EPN2: variants seen among roughly 807,000 people sequenced by gnomAD.
EPN2 encodes epsin 2, also known as epsin-2.
In EPN2, 34 loss-of-function variants were observed where a neutral mutation model predicts 61.7. The ratio of observed to expected loss-of-function variants is 0.55; its 90% confidence interval spans 0.42 to 0.73. The LOEUF (loss-of-function observed/expected upper bound fraction) is 0.73. Ranked by LOEUF, EPN2 falls within the 30% of genes least tolerant of loss-of-function variation. The pLI, the probability that EPN2 is intolerant of heterozygous loss-of-function variation, is 0.00. For synonymous variants in EPN2, 349 were observed against 353.6 expected, an observed-to-expected ratio of 0.99 and a Z score of 0.15; for missense variants, 714 against 839.2, an observed-to-expected ratio of 0.85 and a Z score of 1.84.
chr17:19,254,182 G>A (rs999693034), intron 1 of EPN2, among the ~76,000 whole-genome samples: 2 of 150,750 alleles, frequency 1.3e-5, no homozygotes, highest in African/African-American at 4.9e-5. Flanking sequence ...AAGAAAGAAG[G>A]GAGGGAGGGA....
chr17:19,307,967 T>G (rs1894220498), intron 4 of EPN2: 3 of 985,312 alleles, frequency 3.0e-6, no homozygotes, highest in African/African-American at 1.7e-5. Flanking sequence ...GAAGCAAATT[T>G]AGATTGGAAA....
intron 1 of EPN2, among the ~76,000 whole-genome samples, chr17:19,246,767 CTTTT>C (rs377094702): frequency 2.7e-5 from 3 of 109,546 alleles, no homozygotes; most frequent in Non-Finnish European, 1.7e-5. Flanking sequence ...CCCTGTGTGC[CTTTT>C]TTTTTTTTTT....
intron 1 of EPN2, among the ~76,000 whole-genome samples, chr17:19,280,191 AAG>A (rs1301272537): frequency 6.6e-6 from 1 of 152,168 alleles, no homozygotes; most frequent in Non-Finnish European, 1.5e-5. Context: ...TGAGAAGCTG[AAG>A]AGTCATACCT....
chr17:19,289,847 T>C (rs9902249), intron 4 of EPN2, among the ~76,000 whole-genome samples: 146,410 of 151,262 alleles, frequency 0.97, 71,101 homozygotes, highest in African/African-American at 0.99. Flanking sequence ...TCCTCAGCCA[T>C]CTGAGTAGCT....
At chr17:19,313,790 C>T (rs1164730553) in intron 7 of EPN2, 2 of 153,262 alleles carry the variant, frequency 1.3e-5, no homozygotes, top group Non-Finnish European at 1.5e-5. Flanking sequence ...TAAAGTTTTG[C>T]TTAATGTGAG....
chr17:19,243,416 A>C (rs2044908210), intron 1 of EPN2, among the ~76,000 whole-genome samples: 1 of 87,968 alleles, frequency 1.1e-5, no homozygotes, highest in Non-Finnish European at 1.9e-5. Flanking sequence ...TTTTTTTGAG[A>C]CGGAGTCTCG....
At position 19,313,128 on chromosome 17, in the gene EPN2, T is replaced by C; in HGVS notation, c.996T>C (p.Thr332=). 1 of 1,613,884 alleles carries C rather than the reference T, an allele frequency of 6.2e-7. No individual in the cohort carries two copies. The change falls in exon 7 of 11, where the codon ACT becomes ACC. Residue 332 remains threonine, a synonymous_variant. Coordinates refer to ENST00000314728, the MANE Select transcript of EPN2 (RefSeq NM_014964.5). ...AGCATGGCTCTCTCCCACAGCAGAC[T>C]ACGCTGTTGGATTTAATGGATGCTC... is the stretch of plus-strand genomic sequence containing the variant. ...KKEHGSLPQQ[T]TLLDLMDALP... is the part of the protein sequence containing the mutation.
chr17:19,292,218 G>A (rs2045472418), intron 4 of EPN2, among the ~76,000 whole-genome samples: 1 of 152,252 alleles, frequency 6.6e-6, no homozygotes, highest in Non-Finnish European at 1.5e-5. Flanking sequence ...GCAGGGCTGA[G>A]TGATGCTGCC....
chr17:19,297,717 G>T (rs1289300164), intron 4 of EPN2, among the ~76,000 whole-genome samples: 2 of 152,170 alleles, frequency 1.3e-5, no homozygotes, highest in Non-Finnish European at 2.9e-5. Flanking sequence ...CCACTGGGGG[G>T]CCTAAACTAG....
At chr17:19,323,553 C>T (rs1906738930) in intron 7 of EPN2, among the ~76,000 whole-genome samples, 3 of 152,062 alleles carry the variant, frequency 2.0e-5, no homozygotes, top group South Asian at 4.1e-4. Context: ...TTAAATAAAC[C>T]TACAGAGAAC....
intron 3 of EPN2, among the ~76,000 whole-genome samples, chr17:19,284,580 G>A (rs2045387073): frequency 6.6e-6 from 1 of 152,200 alleles, no homozygotes; most frequent in South Asian, 2.1e-4. Context: ...ATATCTTCTG[G>A]CTGCTAAAAC....
At chr17:19,295,686 A>C (rs1482659245) in intron 4 of EPN2, among the ~76,000 whole-genome samples, 1 of 152,186 alleles carries the variant, frequency 6.6e-6, no homozygotes, top group Admixed American at 6.6e-5. Flanking sequence ...GATACAAGGC[A>C]GTTCCTCATT....
Position 19,283,106 on chromosome 17 carries a change from C to A in EPN2, c.-14C>A. 6.3e-7 allele frequency: 1 copy of A among 1,594,708 alleles called. No individual in the cohort carries two copies. The highest frequency in any genetic ancestry group is 8.6e-7 in the Non-Finnish European group (1 of 1,167,662). Reference sequence around the variant, plus strand: ...TGTTTGAAGGGCTTTAAACTTATAACAAAGAAAATAAAAATGACGACTTCG... The same window carrying A: ...TGTTTGAAGGGCTTTAAACTTATAAAAAAGAAAATAAAAATGACGACTTCG... On this transcript the variant is annotated 5_prime_UTR_variant, in exon 3 of 11. Coordinates refer to ENST00000314728, the MANE Select transcript of EPN2 (RefSeq NM_014964.5). The surrounding 1 kb of genome is among the most constrained non-coding windows in gnomAD (Gnocchi z 7.0).
intron 1 of EPN2, among the ~76,000 whole-genome samples, chr17:19,242,524 C>T (rs1041641598): frequency 1.3e-5 from 2 of 152,188 alleles, no homozygotes; most frequent in South Asian, 4.1e-4. Flanking sequence ...GACTCATTCC[C>T]CTAGTACCTA....
At chr17:19,289,724 G>GTTTTTTTTTTTTTGTTTT (rs2045442645) in intron 4 of EPN2, among the ~76,000 whole-genome samples, 1 of 78,028 alleles carries the variant, frequency 1.3e-5, no homozygotes, top group African/African-American at 4.8e-5. Context: ...GGCGCTCATG[G>GTTTTTTTTTTTTTGTTTT]TTTTTTTTTT....
In EPN2 at chr17:19,289,724, G is replaced by GTTTTGT. The variant is rs772230550; in HGVS notation, c.766+3938_766+3939insGTTTTT. Among the ~76,000 whole-genome samples, 9 of 78,028 alleles carry GTTTTGT rather than the reference G, an allele frequency of 1.2e-4. 1 individual carries two copies. The highest frequency in any genetic ancestry group is 1.2e-3 in the South Asian group (2 of 1,724). 51.2% of individuals were successfully genotyped at this position (78,028 alleles called of 152,430 possible). A position where few individuals can be genotyped will look rare whatever the true frequency, so the allele number is the denominator to read the frequency against. Reference sequence around the variant, plus strand: ...TGTTCGGCCTCACCTGGCGCTCATGGTTTTTTTTTTTTTTTTTTTTGAGAT... The same window carrying GTTTTGT: ...TGTTCGGCCTCACCTGGCGCTCATGGTTTTGTTTTTTTTTTTTTTTTTTTTTGAGAT... On this transcript the variant is annotated intron_variant, in intron 4 of 10. Coordinates refer to ENST00000314728, the MANE Select transcript of EPN2 (RefSeq NM_014964.5).
At chr17:19,327,983 A>T (rs1201782800) in intron 7 of EPN2, among the ~76,000 whole-genome samples, 2 of 152,220 alleles carry the variant, frequency 1.3e-5, no homozygotes, top group African/African-American at 2.4e-5. Flanking sequence ...ATACATAAAG[A>T]TGCACATCAC....
rs564593741 is a variant in EPN2, at chr17:19,277,435, G to A, written c.-293-4520G>A. On this transcript the variant is annotated intron_variant, in intron 1 of 10. Coordinates refer to ENST00000314728, the MANE Select transcript of EPN2 (RefSeq NM_014964.5). ...AAAAAAAAAAAAGAGAGAAATAACA[G>A]GATTTGCCGTGGAGGGTGGTATATG... 6.6e-5 allele frequency among the ~76,000 whole-genome samples: 10 copies of A among 151,480 alleles called. No homozygotes were observed. In the South Asian group the frequency reaches 2.1e-3, roughly 32 times the overall value.
At chr17:19,237,754 C>T (rs894970090) in intron 1 of EPN2, among the ~76,000 whole-genome samples, 1 of 152,176 alleles carries the variant, frequency 6.6e-6, no homozygotes, top group South Asian at 2.1e-4. Context: ...GGCCCCCTTC[C>T]CATCTGGATC....
Sources: allele counts gnomAD v4.1 joint callset (sites outside exome capture counted in the v4.1 genomes callset), GRCh38; gene constraint gnomAD v4.1.1; non-coding constraint Gnocchi (gnomAD v3.1); transcripts MANE v1.5; gene names NCBI Gene and HGNC (gene_info 2026-07-23, HGNC 2026-07-21).